CACNA1D: variants seen among roughly 807,000 people sequenced by gnomAD.
CACNA1D encodes voltage-dependent L-type calcium channel subunit alpha-1D.
CACNA1D carries 55 observed loss-of-function variants against 257.1 expected under a neutral mutation model. The observed-to-expected ratio is 0.21, with a 90% CI of 0.17 to 0.27. The LOEUF is 0.27. Among genes scored for constraint, CACNA1D ranks in the 10% least tolerant of loss-of-function variants. The pLI, the probability that CACNA1D is intolerant of heterozygous loss-of-function variation, is 1.00. For missense variants in CACNA1D, 1,876 were observed against 2,784.0 expected, an observed-to-expected ratio of 0.67 and a Z score of 7.34; for synonymous variants, 980 against 1,014.9, an observed-to-expected ratio of 0.97 and a Z score of 0.65.
chr3:53,615,776 G>T (rs1202058905), intron 3 of CACNA1D, among the ~76,000 whole-genome samples: 1 of 152,198 alleles, frequency 6.6e-6, no homozygotes, highest in African/African-American at 2.4e-5. Context: ...AGGTTATTTT[G>T]TTCCAACTGG....
At chr3:53,806,108 T>C (rs2095564028) in intron 45 of CACNA1D, among the ~76,000 whole-genome samples, 1 of 138,424 alleles carries the variant, frequency 7.2e-6, no homozygotes, top group African/African-American at 2.7e-5. Flanking sequence ...CTTCGTCTTC[T>C]AGCATCTTCC....
intron 45 of CACNA1D, 79 bp downstream of exon 45, chr3:53,805,225 G>C (rs772628606): frequency 7.5e-7 from 1 of 1,341,480 alleles, no homozygotes; most frequent in African/African-American, 1.4e-5. Flanking sequence ...TCTGGGGGCC[G>C]GTGATGGATG....
intron 14 of CACNA1D, among the ~76,000 whole-genome samples, chr3:53,725,966 A>G (rs1317533768): frequency 1.3e-5 from 2 of 152,192 alleles, no homozygotes; most frequent in Non-Finnish European, 2.9e-5. Context: ...GTCATTGGTG[A>G]TATCTACTCT....
rs779300641 is a variant in CACNA1D, at chr3:53,811,211, C to T, written c.6291C>T (p.Asp2097=). The T allele has an allele frequency of 1.5e-5, 25 of 1,613,646 alleles. No homozygotes were observed. Among genetic ancestry groups the T allele is most frequent in the African/African-American group, 5.3e-5 (4 of 74,910 alleles). The part of the protein sequence containing the change: ...EIADACDLTI[D]EMESAASTLL... ...CTGATGCCTGTGACCTCACCATCGA[C>T]GAGATGGAGAGTGCAGCCAGCACCC... The change falls in exon 48 of 48, where the codon GAC becomes GAT. Residue 2097 remains aspartate (D), a synonymous_variant. Transcript: ENST00000350061. This position sits in a 1 kb window ranked among gnomAD's most constrained non-coding sequence, Gnocchi z 4.2.
At chr3:53,623,350 G>A (rs1348706444) in intron 3 of CACNA1D, among the ~76,000 whole-genome samples, 2 of 152,262 alleles carry the variant, frequency 1.3e-5, no homozygotes, top group African/African-American at 4.8e-5. Context: ...GGGGTTGAGT[G>A]TACAGAGGTC....
intron 40 of CACNA1D, chr3:53,798,163 A>G (rs1328787225): frequency 6.6e-6 from 1 of 152,150 alleles, no homozygotes; most frequent in East Asian, 1.9e-4. Flanking sequence ...GCTGTGTAAG[A>G]GCTTTTACCA....
intron 9 of CACNA1D, among the ~76,000 whole-genome samples, chr3:53,712,516 G>A (rs987765590): frequency 1.3e-5 from 2 of 152,348 alleles, no homozygotes; most frequent in Non-Finnish European, 2.9e-5. Context: ...GTGGCCTAAT[G>A]TGTCTCTACT....
intron 8 of CACNA1D, among the ~76,000 whole-genome samples, chr3:53,682,382 A>AAAAC (rs1391290266): frequency 6.8e-6 from 1 of 147,038 alleles, no homozygotes; most frequent in Non-Finnish European, 1.5e-5. Flanking sequence ...AAAAAAAAAA[A>AAAAC]AAAAAAAAAA....
chr3:53,530,765 A>G (rs1217493912), intron 3 of CACNA1D, among the ~76,000 whole-genome samples: 1 of 152,148 alleles, frequency 6.6e-6, no homozygotes, highest in East Asian at 1.9e-4. Context: ...ATCCTTATCG[A>G]AAAGGTCTTG....
intron 3 of CACNA1D, among the ~76,000 whole-genome samples, chr3:53,553,981 G>A (rs941224119): frequency 2.0e-5 from 3 of 151,864 alleles, no homozygotes; most frequent in South Asian, 2.1e-4. Flanking sequence ...CAGATCATGA[G>A]GTCAGGAGAT....
chr3:53,522,135 GA>G (rs748924919), intron 3 of CACNA1D, among the ~76,000 whole-genome samples: 14 of 151,702 alleles, frequency 9.2e-5, no homozygotes, highest in East Asian at 1.9e-4. Flanking sequence ...GAAGCTGGGG[GA>G]AAAAAAACCA....
At chr3:53,544,744 G>A (rs375755623) in intron 3 of CACNA1D, among the ~76,000 whole-genome samples, 6 of 152,184 alleles carry the variant, frequency 3.9e-5, no homozygotes, top group African/African-American at 7.2e-5. Context: ...ATGGCGAATC[G>A]GATGGTTTGA....
At chr3:53,730,577 C>T (rs759315770) in intron 16 of CACNA1D, 21 bp downstream of exon 16, 57 of 1,548,038 alleles carry the variant, frequency 3.7e-5, no homozygotes, top group South Asian at 2.1e-4. Flanking sequence ...TTTCCCCTGA[C>T]GTGTTTGTCC....
In CACNA1D at chr3:53,726,929, T is replaced by C; in HGVS notation, c.2151T>C (p.Ala717=). ...CTGTGATGTACGATGGCATCATGGC[T>C]TACGGGGGCCCATCCTCTTCAGGAA... ...WNAVMYDGIM[A]YGGPSSSGMI... Residue 717 remains alanine (A), a synonymous_variant, in exon 15 of 48, where the codon GCT becomes GCC. Coordinates refer to ENST00000350061, the MANE Select transcript of CACNA1D (RefSeq NM_001128840.3). 1 of 1,614,214 alleles carries C rather than the reference T, an allele frequency of 6.2e-7. No homozygotes were observed. Among genetic ancestry groups the C allele is most frequent in the Non-Finnish European group, 8.5e-7 (1 of 1,180,016 alleles).
chr3:53,503,125 T>A (rs1441518765), intron 3 of CACNA1D, among the ~76,000 whole-genome samples: 1 of 152,232 alleles, frequency 6.6e-6, no homozygotes, highest in Non-Finnish European at 1.5e-5. Context: ...ACATTTCAGA[T>A]GTAATGTGAT....
At chr3:53,614,027 G>A (rs922221198) in intron 3 of CACNA1D, among the ~76,000 whole-genome samples, 9 of 150,050 alleles carry the variant, frequency 6.0e-5, no homozygotes, top group Non-Finnish European at 1.3e-4. Context: ...GTGTGCTGGC[G>A]CATACCTGTA....
intron 3 of CACNA1D, among the ~76,000 whole-genome samples, chr3:53,507,664 T>C (rs2090913401): frequency 6.6e-6 from 1 of 152,184 alleles, no homozygotes; most frequent in Non-Finnish European, 1.5e-5. Context: ...ACTATTAAAA[T>C]TCCATAAGAG....
intron 29 of CACNA1D, among the ~76,000 whole-genome samples, chr3:53,755,215 TTTCCC>T (rs1487299469): frequency 1.3e-5 from 2 of 152,234 alleles, no homozygotes; most frequent in Non-Finnish European, 2.9e-5. Context: ...CTGTGGAACA[TTTCCC>T]AGATACCTGG....
chr3:53,784,856 T>C (rs1037562986), intron 39 of CACNA1D, among the ~76,000 whole-genome samples: 6 of 152,154 alleles, frequency 3.9e-5, no homozygotes, highest in African/African-American at 1.4e-4. Context: ...CCAGTGTGGC[T>C]GGAGACGGCC....
Sources: allele counts gnomAD v4.1 joint callset (sites outside exome capture counted in the v4.1 genomes callset), GRCh38; gene constraint gnomAD v4.1.1; non-coding constraint Gnocchi (gnomAD v3.1); transcripts MANE v1.5; gene names NCBI Gene and HGNC (gene_info 2026-07-23, HGNC 2026-07-21).